Variants in RGS7 observed in about 807,000 individuals in gnomAD.
RGS7 encodes the protein regulator of G protein signaling 7.
A neutral mutation model predicts 81.1 loss-of-function variants in RGS7; 27 were observed. The ratio of observed to expected loss-of-function variants is 0.33; its 90% CI spans 0.25 to 0.46. RGS7 has a LOEUF of 0.46. Among genes scored for constraint, RGS7 ranks in the 20% least tolerant of loss-of-function variants. The probability of loss-of-function intolerance (pLI) is 1.00; values close to 1 mark genes in which losing one functional copy is unlikely to be tolerated. For synonymous variants in RGS7, 208 were observed against 207.7 expected (o/e 1.00, Z -0.01); for missense variants, 396 against 607.4 (o/e 0.65, Z 3.66).
chr1:241,035,617 C>T (rs1435590222), intron 3 of RGS7, among the ~76,000 whole-genome samples: 3 of 152,080 alleles, frequency 2.0e-5, no homozygotes, highest in Non-Finnish European at 4.4e-5. Flanking sequence ...ACTGCCATTG[C>T]CATCAGCATC....
intron 9 of RGS7, among the ~76,000 whole-genome samples, chr1:240,863,460 G>A (rs145768556): frequency 4.7e-4 from 72 of 152,302 alleles, no homozygotes; most frequent in African/African-American, 1.6e-3. Context: ...GGGCGACAAC[G>A]TGAGATTCTG....
intron 6 of RGS7, among the ~76,000 whole-genome samples, chr1:240,925,338 C>T (rs1226044308): frequency 6.6e-6 from 1 of 152,004 alleles, no homozygotes; most frequent in Non-Finnish European, 1.5e-5. Context: ...CCATGTATAC[C>T]CAATGTTTAG....
rs375483498 is a variant in RGS7, at chr1:241,212,164, A to T, written c.79-113402T>A. On this transcript the variant is annotated intron_variant, in intron 2 of 18. Coordinates refer to ENST00000440928, the MANE Select transcript of RGS7 (RefSeq NM_001364886.1). ...GTGTAATAATTGAATACATGTACTA[A>T]TTGAGTAATAATAACAAATACACAT... Among the ~76,000 whole-genome samples, 18 of 152,190 alleles carry T rather than the reference A, an allele frequency of 1.2e-4. No homozygotes were observed. In the East Asian group the frequency reaches 1.4e-3, roughly 11 times the overall value.
chr1:241,128,607 A>C (rs972981093), intron 2 of RGS7, among the ~76,000 whole-genome samples: 10 of 152,094 alleles, frequency 6.6e-5, no homozygotes, highest in Non-Finnish European at 1.3e-4. Flanking sequence ...TAAATTTAAA[A>C]AGTTCAGAAA....
intron 3 of RGS7, among the ~76,000 whole-genome samples, chr1:241,007,452 GT>G (rs2058733621): frequency 6.6e-6 from 1 of 152,166 alleles, no homozygotes; most frequent in African/African-American, 2.4e-5. Flanking sequence ...TAGTAGTTAA[GT>G]TTTTGGGGAA....
chr1:241,075,679 G>A (rs112130239), intron 3 of RGS7, among the ~76,000 whole-genome samples: 4,603 of 152,276 alleles, frequency 0.03, 81 homozygotes, highest in Middle Eastern at 0.058. Context: ...GTCATTCTGG[G>A]CCACATGCAG....
At chr1:240,942,960 C>G (rs1026080935) in intron 4 of RGS7, among the ~76,000 whole-genome samples, 2 of 152,018 alleles carry the variant, frequency 1.3e-5, no homozygotes, top group African/African-American at 2.4e-5. Context: ...TTTATTTTCT[C>G]AACAGTAGGA....
At chr1:241,352,103 G>A (rs1229529963) in intron 2 of RGS7, among the ~76,000 whole-genome samples, 2 of 152,106 alleles carry the variant, frequency 1.3e-5, no homozygotes, top group Non-Finnish European at 2.9e-5. Flanking sequence ...TGTTCTTTAC[G>A]GCCAGTGCTG....
intron 2 of RGS7, among the ~76,000 whole-genome samples, chr1:241,325,218 A>G (rs753104418): frequency 2.0e-4 from 31 of 152,224 alleles, no homozygotes; most frequent in Non-Finnish European, 3.4e-4. Context: ...AAACTTTCCT[A>G]ATAAGTTGGT....
intron 3 of RGS7, among the ~76,000 whole-genome samples, chr1:241,049,341 C>T (rs1275398772): frequency 6.6e-6 from 1 of 152,156 alleles, no homozygotes; most frequent in Non-Finnish European, 1.5e-5. Flanking sequence ...GAGTTGTCTT[C>T]GTGAATTCTT....
intron 2 of RGS7, among the ~76,000 whole-genome samples, chr1:241,240,956 AGCT>A: frequency 6.6e-6 from 1 of 152,260 alleles, no homozygotes; most frequent in East Asian, 1.9e-4. Flanking sequence ...TCTTTCTGAC[AGCT>A]GCTGCTGCTT....
intron 2 of RGS7, among the ~76,000 whole-genome samples, chr1:241,245,864 G>A (rs1480423922): frequency 2.6e-5 from 4 of 151,678 alleles, no homozygotes; most frequent in African/African-American, 9.7e-5. Flanking sequence ...CAGCACTTTG[G>A]GAGGCCGAGG....
Position 240,943,884 on chromosome 1 carries a change from G to A in RGS7, c.227-7178C>T, listed in dbSNP as rs113254588. On this transcript the variant is annotated intron_variant, in intron 4 of 18. Coordinates refer to ENST00000440928, the MANE Select transcript of RGS7 (RefSeq NM_001364886.1). Reference sequence around the variant, plus strand: ...TAGAAGAATAACAGGGACAGAGAGAGCACGGGGACAGCAATCAGAATGGGA... The same window carrying A: ...TAGAAGAATAACAGGGACAGAGAGAACACGGGGACAGCAATCAGAATGGGA... Among the ~76,000 whole-genome samples, 1,401 of 152,226 alleles carry A rather than the reference G, an allele frequency of 9.2e-3. 20 individuals are homozygous for A. Among genetic ancestry groups the A allele is most frequent in the African/African-American group, 0.031 (1,302 of 41,530 alleles).
intron 6 of RGS7, chr1:240,920,752 C>G: frequency 5.3e-6 from 3 of 561,986 alleles, no homozygotes; most frequent in South Asian, 4.7e-5. Flanking sequence ...TAGACAAATA[C>G]TCACGTGTAT....
chr1:241,229,653 T>C (rs2075536193), intron 2 of RGS7, among the ~76,000 whole-genome samples: 1 of 152,240 alleles, frequency 6.6e-6, no homozygotes, highest in African/African-American at 2.4e-5. Context: ...GGTGTAGTAG[T>C]CCACTTCCTT....
chr1:241,302,177 C>A (rs2079802040), intron 2 of RGS7, among the ~76,000 whole-genome samples: 1 of 152,166 alleles, frequency 6.6e-6, no homozygotes, highest in Non-Finnish European at 1.5e-5. Context: ...TGAGAGCAGG[C>A]CTAGCACATT....
intron 2 of RGS7, among the ~76,000 whole-genome samples, chr1:241,298,812 T>C (rs1458274361): frequency 6.6e-6 from 1 of 152,120 alleles, no homozygotes; most frequent in East Asian, 1.9e-4. Flanking sequence ...GCAATATCAG[T>C]AAAGTCAACG....
intron 2 of RGS7, among the ~76,000 whole-genome samples, chr1:241,115,804 C>T (rs2065851205): frequency 6.6e-6 from 1 of 152,104 alleles, no homozygotes; most frequent in Non-Finnish European, 1.5e-5. Flanking sequence ...TCATATGAAA[C>T]CAAATCTTAT....
At chr1:240,908,767 C>T (rs1490000587) in intron 6 of RGS7, among the ~76,000 whole-genome samples, 1 of 152,124 alleles carries the variant, frequency 6.6e-6, no homozygotes, top group East Asian at 1.9e-4. Flanking sequence ...AGGAGGACCG[C>T]TTGGTTTACC....
Sources: allele counts gnomAD v4.1 joint callset (sites outside exome capture counted in the v4.1 genomes callset), GRCh38; gene constraint gnomAD v4.1.1; transcripts MANE v1.5; gene names NCBI Gene and HGNC (gene_info 2026-07-23, HGNC 2026-07-21).